MGAM: variants seen among roughly 807,000 people sequenced by gnomAD.
MGAM encodes alpha-1,4-glucosidase.
Under a neutral mutation model 358.8 loss-of-function variants are expected in MGAM, and 253 were observed. The ratio of observed to expected loss-of-function variants is 0.71; its 90% confidence interval spans 0.64 to 0.78. MGAM has a LOEUF of 0.78. Ranked by LOEUF, MGAM falls within the 30% of genes least tolerant of loss-of-function variation. MGAM has a pLI of 0.00. For synonymous variants in MGAM, 1,105 were observed against 1,227.1 expected, an observed-to-expected ratio of 0.90 and a Z score of 2.08; for missense variants, 3,080 against 3,432.6, an observed-to-expected ratio of 0.90 and a Z score of 2.57.
Position 142,091,984 on chromosome 7 carries a change from A to G in MGAM, c.6882A>G (p.Ile2294Met), listed in dbSNP as rs1815428141. The G allele has an allele frequency of 4.5e-6, 7 of 1,540,578 alleles. No individual in the cohort carries two copies. Among genetic ancestry groups the G allele is most frequent in the Non-Finnish European group, 5.3e-6 (6 of 1,122,628 alleles). The stretch of plus-strand genomic sequence containing the variant: ...CTGCCAAGTGGTGGAAGAGGGAAAT[A>G]GAAGAACTATACAACAATCCACAGA... ...NSTAKWWKRE[I>M]EELYNNPQNP... Residue 2294 changes from isoleucine (I) to methionine (M), a missense_variant, in exon 58 of 71, where the codon ATA (isoleucine) becomes ATG (methionine). This residue lies in a region of MGAM where 932 missense variants were observed against 1,198.2 expected (regional missense o/e 0.78). Coordinates refer to ENST00000475668, the MANE Select transcript of MGAM (RefSeq NM_001365693.1).
chr7:142,012,679 C>A (rs1805684646), intron 3 of MGAM, among the ~76,000 whole-genome samples: 1 of 152,218 alleles, frequency 6.6e-6, no homozygotes. Context: ...GTCAGAGATT[C>A]TGCCAGGGTT....
At chr7:142,021,867 C>A in intron 6 of MGAM, 130 bp downstream of exon 6, 1 of 897,464 alleles carries the variant, frequency 1.1e-6, no homozygotes, top group African/African-American at 1.7e-5. Context: ...AGAACCTTTA[C>A]CTTCTAAAGT....
At position 142,052,691 on chromosome 7, in the gene MGAM, C is replaced by T. The variant is rs571163153; in HGVS notation, c.2959-93C>T. The T allele has an allele frequency of 3.3e-5, 49 of 1,470,100 alleles. No individual in the cohort carries two copies. In the African/African-American group the frequency reaches 3.4e-4, roughly 10 times the overall value. The allele number at this position is 1,470,100 out of a possible 1,614,324, so 91.1% of individuals were successfully genotyped here. ...GTGATAAGTGATGGGCTAGTTTTATCGTCATATAAAATGACTTTACTAACC... is the reference window on the plus strand; with the variant it reads ...GTGATAAGTGATGGGCTAGTTTTATTGTCATATAAAATGACTTTACTAACC... On this transcript the variant is annotated intron_variant, in intron 25 of 70. Transcript: ENST00000475668.
At chr7:142,069,591 A>G (rs1023922217) in intron 43 of MGAM, among the ~76,000 whole-genome samples, 3 of 145,706 alleles carry the variant, frequency 2.1e-5, no homozygotes, top group African/African-American at 7.3e-5. Flanking sequence ...AGTGAGATTA[A>G]GTGAAAAGTG....
chr7:142,061,929 A>G (rs1812241458), intron 34 of MGAM, among the ~76,000 whole-genome samples: 1 of 152,200 alleles, frequency 6.6e-6, no homozygotes, highest in South Asian at 2.1e-4. Flanking sequence ...AAAAAGTTGT[A>G]TCTTGAATCT....
intron 3 of MGAM, 65 bp from the exon 4 acceptor site, chr7:142,019,134 C>T (rs575560438): frequency 9.9e-5 from 150 of 1,520,702 alleles, no homozygotes; most frequent in Middle Eastern, 7.5e-4. Flanking sequence ...TTAGATGTTT[C>T]GTGCTTTATA....
At position 142,103,304 on chromosome 7, in the gene MGAM, C is replaced by T; in HGVS notation, c.8049C>T (p.Tyr2683=). 1 of 1,611,434 alleles carries T rather than the reference C, an allele frequency of 6.2e-7. No individual in the cohort carries two copies. Among genetic ancestry groups the T allele is most frequent in the Non-Finnish European group, 8.5e-7 (1 of 1,178,880 alleles). The part of the protein sequence containing the change: ...TMQSHIIFNN[Y]ITGTNPLKLG... ...AAAGCCATATAATTTTCAACAATTA[C>T]ATCACTGGTACAAATCCTTTGAAAC... The change falls in exon 70 of 71, where the codon TAC becomes TAT. Residue 2683 remains tyrosine, a synonymous_variant. Transcript: ENST00000475668.
chr7:141,991,079 A>G (rs1426450195), upstream of MGAM, among the ~76,000 whole-genome samples: 1 of 152,190 alleles, frequency 6.6e-6, no homozygotes, highest in Non-Finnish European at 1.5e-5. Flanking sequence ...CATTAGTTAC[A>G]TGACCTGGGG....
intron 29 of MGAM, among the ~76,000 whole-genome samples, chr7:142,056,567 A>T (rs1256375556): frequency 1.3e-5 from 2 of 152,242 alleles, no homozygotes; most frequent in African/African-American, 4.8e-5. Context: ...TTTATCTAAC[A>T]TAAAACTTGA....
At chr7:142,042,772 TATATCTAAATATAATATATATACATATA>T (rs1563148986) in intron 21 of MGAM, among the ~76,000 whole-genome samples, 1 of 78,956 alleles carries the variant, frequency 1.3e-5, no homozygotes, top group African/African-American at 5.1e-5. Flanking sequence ...TATATATACA[TATATCTAAATATAATATATATACATATA>T]ATATCTAAAT....
At chr7:141,987,153 G>A (rs1391011641) in intron 2 of MGAM, among the ~76,000 whole-genome samples, 13 of 152,210 alleles carry the variant, frequency 8.5e-5, no homozygotes, top group Admixed American at 6.5e-4. Context: ...GCTGGTAGTG[G>A]TGGTGGTAGT....
chr7:142,024,469 A>G (rs1312724745), intron 7 of MGAM, among the ~76,000 whole-genome samples: 1 of 152,144 alleles, frequency 6.6e-6, no homozygotes, highest in Non-Finnish European at 1.5e-5. Context: ...GTTTGCAGAT[A>G]CACCAAATTT....
chr7:141,992,568 T>C (rs917658005), upstream of MGAM, among the ~76,000 whole-genome samples: 5 of 152,060 alleles, frequency 3.3e-5, no homozygotes, highest in African/African-American at 1.2e-4. Flanking sequence ...ATCATGTAGG[T>C]GAAGGTCTTG....
chr7:142,037,047 C>A, intron 18 of MGAM, 70 bp downstream of exon 18: 2 of 1,479,276 alleles, frequency 1.4e-6, no homozygotes, highest in Non-Finnish European at 1.9e-6. Flanking sequence ...CATCAAATAT[C>A]AGAGTGAAAA....
chr7:142,105,871 A>G lies in MGAM; in HGVS notation c.8242A>G (p.Thr2748Ala). The change falls in exon 71 of 71, where the codon ACG (threonine) becomes GCG (alanine). Residue 2748 changes from threonine to alanine, a missense_variant. Coordinates refer to ENST00000475668, the MANE Select transcript of MGAM (RefSeq NM_001365693.1). The stretch of plus-strand genomic sequence containing the variant: ...CAGCCTACATAATTTTACTTCATTG[A>G]CGTGGATAAGCACTCTGTGAATTTT... ...NISLHNFTSL[T>A]WISTL 5 of 1,612,418 alleles carry G rather than the reference A, an allele frequency of 3.1e-6. No homozygotes were observed. The highest frequency in any genetic ancestry group is 4.2e-6 in the Non-Finnish European group (5 of 1,178,524).
intron 21 of MGAM, among the ~76,000 whole-genome samples, chr7:142,047,102 G>T (rs532686590): frequency 6.6e-6 from 1 of 152,134 alleles, no homozygotes; most frequent in Non-Finnish European, 1.5e-5. Context: ...AACAAGAAGA[G>T]CAGGAAACTG....
chr7:141,990,402 G>T (rs1563091497), intron 2 of MGAM, among the ~76,000 whole-genome samples: 1 of 152,106 alleles, frequency 6.6e-6, no homozygotes, highest in Non-Finnish European at 1.5e-5. Context: ...TATTCTTCTG[G>T]ACTAAAAACT....
chr7:142,044,498 GATATATGATATATAATGTATAT>G lies in MGAM; in HGVS notation c.2499-3286_2499-3265del. Among the ~76,000 whole-genome samples, 2 of 108,446 alleles carry G rather than the reference GATATATGATATATAATGTATAT, an allele frequency of 1.8e-5. 1 individual carries two copies. The highest frequency in any genetic ancestry group is 6.4e-5 in the African/African-American group (2 of 31,238). The allele number at this position is 108,446 out of a possible 152,430, so 71.1% of individuals were successfully genotyped here. A position where few individuals can be genotyped will look rare whatever the true frequency, so the allele number is the denominator to read the frequency against. ...TATAATGTATATTATATACACTTAC[GATATATGATATATAATGTATAT>G]TATACACTTACGATATATGATATAT... On this transcript the variant is annotated intron_variant, in intron 21 of 70. Transcript: ENST00000475668.
At chr7:142,053,464 A>G (rs115659466) in intron 26 of MGAM, among the ~76,000 whole-genome samples, 2,454 of 152,194 alleles carry the variant, frequency 0.016, 65 homozygotes, top group African/African-American at 0.053. Flanking sequence ...ATACTGAAAA[A>G]GTTTGTGCTT....
Sources: gnomAD v4.1 joint callset for allele counts (sites outside exome capture counted in the v4.1 genomes callset) on GRCh38, gnomAD v4.1.1 for gene constraint, gnomAD v4.1.1 regional missense constraint, MANE v1.5 for transcripts, NCBI Gene and HGNC (gene_info 2026-07-23, HGNC 2026-07-21) for gene names.